The following C8orf34 variants were observed in gnomAD, a reference collection of about 807,000 sequenced individuals.
C8orf34 encodes uncharacterized protein C8orf34.
In C8orf34, 65 loss-of-function variants were observed where a neutral mutation model predicts 68.3. The ratio of observed to expected loss-of-function variants is 0.95; its 90% confidence interval spans 0.78 to 1.17. The LOEUF is 1.17. C8orf34 is among the 50% of genes most tolerant of loss of function. The pLI is 0.00. For synonymous variants in C8orf34, 244 were observed against 241.2 expected, an observed-to-expected ratio of 1.01 and a Z score of -0.11; for missense variants, 664 against 655.4, an observed-to-expected ratio of 1.01 and a Z score of -0.14.
chr8:68,376,207 A>AAAATG (rs1366075136), intron 1 of C8orf34, among the ~76,000 whole-genome samples: 7 of 147,080 alleles, frequency 4.8e-5, no homozygotes, highest in Admixed American at 4.1e-4. Context: ...AAAATAAAAT[A>AAAATG]AAATAAAAGT....
At chr8:68,664,978 A>G (rs547705393) in intron 8 of C8orf34, among the ~76,000 whole-genome samples, 1 of 152,346 alleles carries the variant, frequency 6.6e-6, no homozygotes, top group South Asian at 2.1e-4. Flanking sequence ...GAATACCTAG[A>G]ACTTGGAAAG....
chr8:68,632,739 G>C (rs1024961981), intron 7 of C8orf34, among the ~76,000 whole-genome samples: 10 of 152,110 alleles, frequency 6.6e-5, no homozygotes, highest in African/African-American at 2.4e-4. Flanking sequence ...AGCTCCAGCC[G>C]TGGCTAAAAG....
intron 2 of C8orf34, among the ~76,000 whole-genome samples, chr8:68,443,166 G>A (rs911568160): frequency 9.9e-5 from 15 of 152,208 alleles, no homozygotes; most frequent in African/African-American, 3.6e-4. Context: ...AATGGGGGCT[G>A]TGCTAAGACA....
At chr8:68,778,288 A>T (rs1220394172) in intron 11 of C8orf34, among the ~76,000 whole-genome samples, 2 of 152,166 alleles carry the variant, frequency 1.3e-5, no homozygotes, top group African/African-American at 2.4e-5. Context: ...TAAATGTTAG[A>T]AGCATTGAGG....
At chr8:68,396,170 A>G (rs1808698678) in intron 1 of C8orf34, among the ~76,000 whole-genome samples, 1 of 152,034 alleles carries the variant, frequency 6.6e-6, no homozygotes, top group Admixed American at 6.6e-5. Context: ...AAACAATAGA[A>G]GACATATTTT....
chr8:68,348,054 G>T (rs1453816653), intron 1 of C8orf34, among the ~76,000 whole-genome samples: 1 of 151,816 alleles, frequency 6.6e-6, no homozygotes, highest in Non-Finnish European at 1.5e-5. Context: ...TGTCCACGGT[G>T]GTATTACCTA....
intron 8 of C8orf34, among the ~76,000 whole-genome samples, chr8:68,665,797 A>C (rs753717031): frequency 6.6e-6 from 1 of 150,784 alleles, no homozygotes; most frequent in Non-Finnish European, 1.5e-5. Flanking sequence ...TCTTTACCAC[A>C]CTTTTTTCTC....
chr8:68,374,166 C>T (rs980693426), intron 1 of C8orf34, among the ~76,000 whole-genome samples: 2 of 152,120 alleles, frequency 1.3e-5, no homozygotes, highest in African/African-American at 2.4e-5. Context: ...TCTTCCACCT[C>T]GACCTCCCAA....
chr8:68,780,302 A>G (rs1585871649), intron 11 of C8orf34, among the ~76,000 whole-genome samples: 1 of 152,136 alleles, frequency 6.6e-6, no homozygotes, highest in East Asian at 1.9e-4. Flanking sequence ...GATACACCCA[A>G]TCATCTTTTG....
intron 7 of C8orf34, among the ~76,000 whole-genome samples, chr8:68,622,933 G>T (rs568826393): frequency 1.3e-5 from 2 of 152,194 alleles, no homozygotes; most frequent in Non-Finnish European, 2.9e-5. Flanking sequence ...TTGTGATGGG[G>T]TATCTGATGA....
At chr8:68,388,182 C>T (rs1423407410) in intron 1 of C8orf34, among the ~76,000 whole-genome samples, 2 of 152,174 alleles carry the variant, frequency 1.3e-5, no homozygotes, top group African/African-American at 4.8e-5. Flanking sequence ...CCACTCTTTA[C>T]TCACTGTTTT....
At chr8:68,727,382 G>A (rs1026274459) in intron 10 of C8orf34, among the ~76,000 whole-genome samples, 3 of 152,184 alleles carry the variant, frequency 2.0e-5, no homozygotes, top group Admixed American at 6.5e-5. Flanking sequence ...TCTCCTGGCT[G>A]CTTTCATGGG....
chr8:68,476,627 C>T (rs1244534142), intron 4 of C8orf34, among the ~76,000 whole-genome samples: 1 of 152,084 alleles, frequency 6.6e-6, no homozygotes, highest in African/African-American at 2.4e-5. Flanking sequence ...TTATGCCCTA[C>T]AGGGTCTGTA....
chr8:68,804,092 T>C (rs1185433746), intron 12 of C8orf34, among the ~76,000 whole-genome samples: 1 of 152,222 alleles, frequency 6.6e-6, no homozygotes, highest in Non-Finnish European at 1.5e-5. Context: ...TTCAGAATAA[T>C]TGCAGTCTAA....
At chr8:68,759,142 C>T (rs1822956295) in intron 10 of C8orf34, among the ~76,000 whole-genome samples, 1 of 152,096 alleles carries the variant, frequency 6.6e-6, no homozygotes, top group Non-Finnish European at 1.5e-5. Flanking sequence ...CTTAATCATT[C>T]TAACCAAATC....
At chr8:68,362,525 T>G (rs547878481) in intron 1 of C8orf34, among the ~76,000 whole-genome samples, 1 of 152,284 alleles carries the variant, frequency 6.6e-6, no homozygotes, top group African/African-American at 2.4e-5. Flanking sequence ...AAGAGAGCAG[T>G]GGTTCTCCCA....
intron 5 of C8orf34, among the ~76,000 whole-genome samples, chr8:68,492,361 C>CT (rs1472679108): frequency 5.3e-5 from 8 of 152,106 alleles, no homozygotes; most frequent in Admixed American, 1.3e-4. Context: ...TCTTGAGTAG[C>CT]TGGGACTACA....
chr8:68,441,230 A>C (rs376978038), intron 2 of C8orf34, among the ~76,000 whole-genome samples: 3 of 152,112 alleles, frequency 2.0e-5, no homozygotes, highest in African/African-American at 7.2e-5. Context: ...GCTGGGTTAC[A>C]TTCTCATCTG....
At chr8:68,563,203 AT>A (rs1338165007) in intron 7 of C8orf34, among the ~76,000 whole-genome samples, 59 of 152,136 alleles carry the variant, frequency 3.9e-4, no homozygotes, top group Admixed American at 1.3e-4. Flanking sequence ...AATGCTTACA[AT>A]TTTTTTTAAA....
Sources: allele counts gnomAD v4.1 joint callset (sites outside exome capture counted in the v4.1 genomes callset), GRCh38; gene constraint gnomAD v4.1.1; transcripts MANE v1.5; gene names NCBI Gene and HGNC (gene_info 2026-07-23, HGNC 2026-07-21).